AKAP6: variants seen among roughly 807,000 people sequenced by gnomAD.
AKAP6 encodes the protein A-kinase anchoring protein 6.
Under a neutral mutation model 188.5 loss-of-function variants are expected in AKAP6, and 58 were observed. The observed-to-expected ratio is 0.31, with a 90% CI of 0.25 to 0.38. The LOEUF is 0.38. Ranked by LOEUF, AKAP6 falls within the 10% of genes least tolerant of loss-of-function variation. The pLI is 1.00. For missense variants in AKAP6, 2,710 were observed against 2,740.0 expected, an observed-to-expected ratio of 0.99 and a Z score of 0.24; for synonymous variants, 989 against 998.6, an observed-to-expected ratio of 0.99 and a Z score of 0.18.
chr14:32,620,241 C>G lies in AKAP6; in HGVS notation c.2730+19449C>G, dbSNP rs527726334. Among the ~76,000 whole-genome samples the G allele has an allele frequency of 3.9e-5, 6 of 152,186 alleles. No individual in the cohort carries two copies. In the East Asian group the frequency reaches 1.2e-3, roughly 29 times the overall value. On this transcript the variant is annotated intron_variant, in intron 7 of 13. Coordinates refer to ENST00000280979, the MANE Select transcript of AKAP6 (RefSeq NM_004274.5). ...TGAAAGTGGGCATTTTTGTCTTGCT[C>G]CAGTTCCCAGGGGGAATGTTTTCAA...
At chr14:32,354,463 A>G (rs1887411190) in intron 1 of AKAP6, among the ~76,000 whole-genome samples, 1 of 152,174 alleles carries the variant, frequency 6.6e-6, no homozygotes. Context: ...ATGCTGATGA[A>G]TTCTGTTTAG....
intron 2 of AKAP6, among the ~76,000 whole-genome samples, chr14:32,466,180 G>A (rs1026001514): frequency 7.2e-5 from 11 of 152,168 alleles, no homozygotes; most frequent in Admixed American, 2.0e-4. Context: ...ATTCCTCAAG[G>A]ATCTAGAACC....
intron 1 of AKAP6, among the ~76,000 whole-genome samples, chr14:32,368,887 AAAC>A (rs1463562212): frequency 1.1e-3 from 170 of 151,930 alleles, no homozygotes; most frequent in African/African-American, 3.9e-3. Context: ...AAGAAAAAAA[AAAC>A]AAAAACATGC....
At chr14:32,397,213 G>A (rs1427553937) in intron 1 of AKAP6, among the ~76,000 whole-genome samples, 1 of 152,088 alleles carries the variant, frequency 6.6e-6, no homozygotes, top group Non-Finnish European at 1.5e-5. Context: ...AGACTTCCAA[G>A]CATGCTGCCT....
Position 32,549,156 on chromosome 14 carries a change from T to C in AKAP6, c.2346+2157T>C, listed in dbSNP as rs145204088. Among the ~76,000 whole-genome samples the C allele has an allele frequency of 1.8e-3, 267 of 152,322 alleles. 2 individuals carry two copies. Among genetic ancestry groups the C allele is most frequent in the African/African-American group, 5.8e-3 (243 of 41,566 alleles). On this transcript the variant is annotated intron_variant, in intron 4 of 13. Transcript: ENST00000280979. ...CCTGATATTAACCTTATTTTATGGCTGAGGAGACAGGCTGAGAGAGACCAT... is the reference window on the plus strand; with the variant it reads ...CCTGATATTAACCTTATTTTATGGCCGAGGAGACAGGCTGAGAGAGACCAT...
intron 7 of AKAP6, among the ~76,000 whole-genome samples, chr14:32,634,917 T>A (rs1347541609): frequency 6.6e-6 from 1 of 151,784 alleles, no homozygotes; most frequent in African/African-American, 2.4e-5. Context: ...TTTCAATAAG[T>A]TTTTGGGGAA....
intron 7 of AKAP6, among the ~76,000 whole-genome samples, chr14:32,664,491 GT>G (rs1215985727): frequency 6.6e-6 from 1 of 152,068 alleles, no homozygotes; most frequent in Non-Finnish European, 1.5e-5. Flanking sequence ...AGGTTCTAGA[GT>G]TTTACTTTTG....
chr14:32,669,308 A>G (rs766786395), intron 7 of AKAP6, among the ~76,000 whole-genome samples: 1 of 152,234 alleles, frequency 6.6e-6, no homozygotes, highest in African/African-American at 2.4e-5. Flanking sequence ...TTTGGCATCC[A>G]TGCAGGACTA....
At chr14:32,671,989 T>A (rs1010025667) in intron 7 of AKAP6, among the ~76,000 whole-genome samples, 7 of 152,152 alleles carry the variant, frequency 4.6e-5, no homozygotes, top group Non-Finnish European at 8.8e-5. Flanking sequence ...TCGAGTTGAT[T>A]AGATTGACTG....
At position 32,824,988 on chromosome 14, in the gene AKAP6, A is replaced by G. The variant is rs192455750; in HGVS notation, c.*42+173A>G. ...AATGAAAGTAACTGTGAAGCAAAAG[A>G]AAAAAAAAACAGGGAAAATTGACAT... On this transcript the variant is annotated intron_variant, in intron 13 of 13. Coordinates refer to ENST00000280979, the MANE Select transcript of AKAP6 (RefSeq NM_004274.5). 1.6e-3 allele frequency among the ~76,000 whole-genome samples: 193 copies of G among 122,464 alleles called. 3 individuals are homozygous for G. In the East Asian group the frequency reaches 0.038, roughly 24 times the overall value. 80.3% of individuals were successfully genotyped at this position (122,464 alleles called of 152,430 possible).
chr14:32,537,266 T>C (rs1478764290), intron 3 of AKAP6, among the ~76,000 whole-genome samples: 3 of 152,204 alleles, frequency 2.0e-5, no homozygotes, highest in Non-Finnish European at 4.4e-5. Flanking sequence ...TTCAGTTAGC[T>C]CTCCTTGTTA....
chr14:32,403,284 C>T (rs1889161161), intron 1 of AKAP6: 1 of 152,118 alleles, frequency 6.6e-6, no homozygotes, highest in Non-Finnish European at 1.5e-5. Context: ...TTCTTCTTGA[C>T]AAAACTATTA....
intron 12 of AKAP6, among the ~76,000 whole-genome samples, chr14:32,820,999 C>G (rs1382282467): frequency 6.6e-6 from 1 of 152,040 alleles, no homozygotes; most frequent in Non-Finnish European, 1.5e-5. Flanking sequence ...ACTATGGACT[C>G]CAGAACTGAA....
intron 12 of AKAP6, among the ~76,000 whole-genome samples, chr14:32,809,883 G>C (rs1282982800): frequency 6.6e-6 from 1 of 152,106 alleles, no homozygotes. Context: ...AAATATTGTT[G>C]ATTTGGTAAA....
intron 2 of AKAP6, among the ~76,000 whole-genome samples, chr14:32,448,052 G>A (rs942479467): frequency 4.4e-4 from 67 of 152,320 alleles, no homozygotes; most frequent in Non-Finnish European, 1.5e-5. Context: ...ATCTATAAAT[G>A]AGGTAAAGTT....
intron 2 of AKAP6, among the ~76,000 whole-genome samples, chr14:32,528,720 C>G (rs897448236): frequency 6.6e-6 from 1 of 152,146 alleles, no homozygotes; most frequent in African/African-American, 2.4e-5. Context: ...CTCTGTCCCC[C>G]AGGCTGGAGT....
chr14:32,432,202 C>T (rs927651872), intron 1 of AKAP6, among the ~76,000 whole-genome samples: 15 of 150,254 alleles, frequency 1.0e-4, no homozygotes, highest in African/African-American at 2.0e-4. Context: ...TTGTAGAACC[C>T]GAAAAAAAAG....
At chr14:32,716,802 G>A (rs1203672710) in intron 9 of AKAP6, among the ~76,000 whole-genome samples, 1 of 151,484 alleles carries the variant, frequency 6.6e-6, no homozygotes, top group Non-Finnish European at 1.5e-5. Flanking sequence ...TTATTTCTAA[G>A]ACAGAAAATA....
In AKAP6 at chr14:32,374,445, G is replaced by A. The variant is rs976578458; in HGVS notation, c.-35+45037G>A. ...CAGGCAAAGATAGAAGGATGACAAA[G>A]GCTTAGCCACAAAAAAGTCTATAAG... On this transcript the variant is annotated intron_variant, in intron 1 of 13. Transcript: ENST00000280979. Among the ~76,000 whole-genome samples, 3 of 152,122 alleles carry A rather than the reference G, an allele frequency of 2.0e-5. No individual in the cohort carries two copies. In the South Asian group the frequency reaches 6.2e-4, roughly 32 times the overall value.
Sources: allele counts gnomAD v4.1 joint callset (sites outside exome capture counted in the v4.1 genomes callset), GRCh38; gene constraint gnomAD v4.1.1; transcripts MANE v1.5; gene names NCBI Gene and HGNC (gene_info 2026-07-23, HGNC 2026-07-21).